TMEM67: variants seen among roughly 807,000 people sequenced by gnomAD.
TMEM67 encodes meckelin.
Under a neutral mutation model 136.6 loss-of-function variants are expected in TMEM67, and 124 were observed. The observed-to-expected ratio is 0.91, with a 90% CI of 0.78 to 1.05. The LOEUF (loss-of-function observed/expected upper bound fraction) is 1.05. Ranked by LOEUF, TMEM67 falls within the 50% of genes least tolerant of loss-of-function variation. The pLI, the probability that TMEM67 is intolerant of heterozygous loss-of-function variation, is 0.00. For missense variants in TMEM67, 1,107 were observed against 1,178.4 expected, an observed-to-expected ratio of 0.94 and a Z score of 0.89; for synonymous variants, 364 against 390.5, an observed-to-expected ratio of 0.93 and a Z score of 0.80.
chr8:93,785,407 C>T lies in TMEM67; in HGVS notation c.1288+29C>T, dbSNP rs774533486. ...AGACATCCATACATACCACTCTTTT[C>T]CCTGAGCAGAAATCAACAAATAAGT... On this transcript the variant is annotated intron_variant, in intron 12 of 27. Transcript: ENST00000453321. 4.4e-5 allele frequency: 70 copies of T among 1,600,722 alleles called. 1 individual carries two copies. The highest frequency in any genetic ancestry group is 5.3e-5 in the Non-Finnish European group (62 of 1,169,842).
Position 93,780,580 on chromosome 8 carries a change from T to C in TMEM67, c.715-13T>C, listed in dbSNP as rs1297804564. On this transcript the variant is annotated splice_polypyrimidine_tract_variant and intron_variant, in intron 7 of 27. Coordinates refer to ENST00000453321, the MANE Select transcript of TMEM67 (RefSeq NM_153704.6). The stretch of plus-strand genomic sequence containing the variant: ...GGTTCATGTTACTTTTCTTTGCCAT[T>C]GTTCTGTTGTAGGTATATGCCAATC... 2.5e-6 allele frequency: 4 copies of C among 1,613,966 alleles called. No homozygotes were observed. Among genetic ancestry groups the C allele is most frequent in the South Asian group, 1.1e-5 (1 of 91,074 alleles).
intron 3 of TMEM67, 114 bp from the exon 4 acceptor site, chr8:93,763,728 T>G: frequency 8.2e-6 from 6 of 730,396 alleles, no homozygotes; most frequent in Non-Finnish European, 1.4e-5. Flanking sequence ...TAAAGTGTTT[T>G]GAGAATTAAT....
At chr8:93,789,995 T>A (rs551459592) in intron 14 of TMEM67, among the ~76,000 whole-genome samples, 1 of 152,122 alleles carries the variant, frequency 6.6e-6, no homozygotes, top group East Asian at 1.9e-4. Flanking sequence ...GGAGAATCGC[T>A]TGAACCTGGG....
chr8:93,762,643 T>TG (rs557876001), intron 3 of TMEM67, among the ~76,000 whole-genome samples: 396 of 152,216 alleles, frequency 2.6e-3, no homozygotes, highest in Non-Finnish European at 4.2e-3. Flanking sequence ...TCACGGTATT[T>TG]GGGGGGTGTA....
the TMEM67 span, among the ~76,000 whole-genome samples, chr8:93,825,409 G>A: frequency 3.3e-5 from 5 of 152,178 alleles, no homozygotes; most frequent in Non-Finnish European, 7.4e-5. Flanking sequence ...AATAAAGGAG[G>A]AAATGGCCCC....
chr8:93,772,643 G>A lies in TMEM67; in HGVS notation c.706G>A (p.Ala236Thr). The change falls in exon 7 of 28, where the codon GCA becomes ACA. Residue 236 changes from alanine to threonine, a missense_variant. Physicochemically the swap from Ala to Thr is moderately conservative, Grantham distance 58 (BLOSUM62 0). Coordinates refer to ENST00000453321, the MANE Select transcript of TMEM67 (RefSeq NM_153704.6). ...AAAGTATTTGCAATCATCAGCAGCT[G>A]CATGTTGGGTAAGTTTGAATTTTTT... ...FAKYLQSSAA[A>T]CWVYANLTSC... The A allele has an allele frequency of 6.2e-7, 1 of 1,611,030 alleles. No homozygotes were observed. The highest frequency in any genetic ancestry group is 1.7e-5 in the Admixed American group (1 of 59,978).
chr8:93,832,176 ACT>A, the TMEM67 span, among the ~76,000 whole-genome samples: 11 of 152,028 alleles, frequency 7.2e-5, no homozygotes, highest in Admixed American at 2.0e-4. Flanking sequence ...TGACTCAAAA[ACT>A]CTCTATACAG....
chr8:93,798,706 C>A (rs1337125494), intron 20 of TMEM67, among the ~76,000 whole-genome samples: 3 of 151,992 alleles, frequency 2.0e-5, no homozygotes, highest in Non-Finnish European at 2.9e-5. Context: ...CTTTCCCTTC[C>A]TTTCCTTTTA....
At chr8:93,791,056 T>C (rs1437172953) in intron 14 of TMEM67, among the ~76,000 whole-genome samples, 1 of 152,218 alleles carries the variant, frequency 6.6e-6, no homozygotes. Context: ...CCTTTTTTAA[T>C]GTATGTGAAA....
intron 21 of TMEM67, among the ~76,000 whole-genome samples, chr8:93,803,094 T>C (rs1272990920): frequency 6.6e-6 from 1 of 152,194 alleles, no homozygotes; most frequent in Non-Finnish European, 1.5e-5. Context: ...ATAAAATTTC[T>C]GTTTCTAGTA....
Position 93,782,480 on chromosome 8 carries a change from G to A in TMEM67, c.1131+20G>A. The A allele has an allele frequency of 6.3e-7, 1 of 1,578,804 alleles. No homozygotes were observed. ...CAAAATGTAAGTTTGAACGATATTA[G>A]TCTATATTTTAGCTTTATTTTTCAA... is the stretch of plus-strand genomic sequence containing the variant. On this transcript the variant is annotated intron_variant, in intron 11 of 27. Coordinates refer to ENST00000453321, the MANE Select transcript of TMEM67 (RefSeq NM_153704.6).
Position 93,808,406 on chromosome 8 carries a change from TTCTC to T in TMEM67, c.2440-432_2440-429del, listed in dbSNP as rs1221497869. On this transcript the variant is annotated intron_variant, in intron 23 of 27. Coordinates refer to ENST00000453321, the MANE Select transcript of TMEM67 (RefSeq NM_153704.6). ...ATTTATATATTATATATAAATATAT[TTCTC>T]TATTATAGATATATATTTATCTATT... 1.8e-3 allele frequency among the ~76,000 whole-genome samples: 174 copies of T among 98,582 alleles called. 1 individual carries two copies. The highest frequency in any genetic ancestry group is 5.8e-3 in the African/African-American group (164 of 28,480). 64.7% of individuals were successfully genotyped at this position (98,582 alleles called of 152,430 possible). A position where few individuals can be genotyped will look rare whatever the true frequency, so the allele number is the denominator to read the frequency against.
chr8:93,758,744 T>C lies in TMEM67; in HGVS notation c.406+168T>C, dbSNP rs954563871. ...TCCTGAGTAGCTGGGACTGCACACA[T>C]AACACCACTGCAGCTGGCTAATTTT... On this transcript the variant is annotated intron_variant, in intron 3 of 27. Coordinates refer to ENST00000453321, the MANE Select transcript of TMEM67 (RefSeq NM_153704.6). The C allele has an allele frequency of 5.1e-5, 31 of 608,614 alleles. No homozygotes were observed. The Admixed American group carries it at 8.8e-4, about 17-fold the overall frequency. The allele number at this position is 608,614 out of a possible 1,614,324, so 37.7% of individuals were successfully genotyped here.
At chr8:93,788,672 C>T (rs1293277951) in intron 14 of TMEM67, among the ~76,000 whole-genome samples, 2 of 152,176 alleles carry the variant, frequency 1.3e-5, no homozygotes, top group Non-Finnish European at 2.9e-5. Flanking sequence ...TTAATAGAGA[C>T]ATACTTCAAC....
chr8:93,825,657 G>A, the TMEM67 span, among the ~76,000 whole-genome samples: 1 of 152,176 alleles, frequency 6.6e-6, no homozygotes, highest in Non-Finnish European at 1.5e-5. Flanking sequence ...GCTCCCAACT[G>A]CAGAACTAGG....
intron 7 of TMEM67, among the ~76,000 whole-genome samples, chr8:93,777,233 C>G (rs3134025): frequency 0.55 from 83,166 of 151,422 alleles, 23,545 homozygotes; most frequent in East Asian, 0.83. Context: ...CTATTTGATT[C>G]TTCTCTCTTT....
chr8:93,781,022 G>T, intron 9 of TMEM67, 40 bp downstream of exon 9: 2 of 1,285,460 alleles, frequency 1.6e-6, no homozygotes, highest in South Asian at 2.4e-5. Context: ...ACTACATTTT[G>T]ATTTATAATT....
intron 23 of TMEM67, among the ~76,000 whole-genome samples, chr8:93,808,516 ATTT>A (rs1213613279): frequency 6.8e-3 from 63 of 9,236 alleles, no homozygotes; most frequent in South Asian, 0.023. Context: ...GAATATATAT[ATTT>A]ATAATCTATA....
intron 6 of TMEM67, among the ~76,000 whole-genome samples, chr8:93,770,741 G>A (rs1351843696): frequency 3.9e-5 from 6 of 152,128 alleles, no homozygotes; most frequent in Admixed American, 3.3e-4. Flanking sequence ...TAGGCTGGAC[G>A]CGGTGGCTCA....
Sources: gnomAD v4.1 joint callset for allele counts (sites outside exome capture counted in the v4.1 genomes callset) on GRCh38, gnomAD v4.1.1 for gene constraint, MANE v1.5 for transcripts, NCBI Gene and HGNC (gene_info 2026-07-23, HGNC 2026-07-21) for gene names.